Variants in C14orf39 observed in about 807,000 individuals in gnomAD.
The protein encoded by C14orf39 is chromosome 14 open reading frame 39.
Under a neutral mutation model 85.6 loss-of-function variants are expected in C14orf39, and 66 were observed. That is an observed-to-expected ratio of 0.77 (90% CI 0.63 to 0.95). The LOEUF is 0.95. C14orf39 is among the 40% of genes least tolerant of loss of function. The probability of loss-of-function intolerance (pLI) is 0.00; values close to 1 mark genes in which losing one functional copy is unlikely to be tolerated. For missense variants in C14orf39, 735 were observed against 663.9 expected, an observed-to-expected ratio of 1.11 and a Z score of -1.18; for synonymous variants, 242 against 214.0, an observed-to-expected ratio of 1.13 and a Z score of -1.14.
chr14:60,500,304 G>C (rs1224820120), intron 1 of C14orf39, among the ~76,000 whole-genome samples: 2 of 152,224 alleles, frequency 1.3e-5, no homozygotes, highest in African/African-American at 4.8e-5. Flanking sequence ...TGGGATTACA[G>C]GTGTCAGCCA....
chr14:60,470,625 T>C (rs1404627321), intron 7 of C14orf39, among the ~76,000 whole-genome samples: 1 of 151,762 alleles, frequency 6.6e-6, no homozygotes, highest in African/African-American at 2.4e-5. Flanking sequence ...CCCTTCCCAC[T>C]GAGAAGTTAA....
intron 16 of C14orf39, among the ~76,000 whole-genome samples, chr14:60,448,179 C>T (rs1890866361): frequency 2.0e-5 from 3 of 152,014 alleles, no homozygotes; most frequent in Non-Finnish European, 4.4e-5. Context: ...CAACAAAAGC[C>T]AAAATAGACA....
chr14:60,456,638 T>G (rs573697184), intron 15 of C14orf39, among the ~76,000 whole-genome samples: 1 of 152,062 alleles, frequency 6.6e-6, no homozygotes, highest in African/African-American at 2.4e-5. Flanking sequence ...GTGGGATTTA[T>G]GCCATCTTCA....
intron 1 of C14orf39, among the ~76,000 whole-genome samples, chr14:60,485,517 C>T (rs1892842735): frequency 6.6e-6 from 1 of 152,226 alleles, no homozygotes; most frequent in African/African-American, 2.4e-5. Context: ...CCCCAACACC[C>T]GGGTAAACCT....
intron 16 of C14orf39, among the ~76,000 whole-genome samples, chr14:60,445,373 A>G (rs1180954553): frequency 6.6e-6 from 1 of 152,178 alleles, no homozygotes; most frequent in Non-Finnish European, 1.5e-5. Context: ...GGAGGAAGAT[A>G]TACCAAGCAA....
At chr14:60,468,740 CA>C (rs1365745083) in intron 8 of C14orf39, among the ~76,000 whole-genome samples, 2 of 151,398 alleles carry the variant, frequency 1.3e-5, no homozygotes, top group African/African-American at 4.8e-5. Flanking sequence ...ATTCCATTGG[CA>C]AATGTAGATT....
At chr14:60,474,322 G>A (rs1892258278) in intron 5 of C14orf39, among the ~76,000 whole-genome samples, 2 of 151,828 alleles carry the variant, frequency 1.3e-5, no homozygotes, top group South Asian at 2.1e-4. Context: ...GTGTTTTCTA[G>A]ATATACAATC....
intron 17 of C14orf39, among the ~76,000 whole-genome samples, chr14:60,440,232 C>A (rs1303796769): frequency 6.6e-6 from 1 of 152,142 alleles, no homozygotes; most frequent in Non-Finnish European, 1.5e-5. Flanking sequence ...TTCATATGTA[C>A]AATTTCCTAC....
chr14:60,475,420 A>G (rs780470067), intron 5 of C14orf39, among the ~76,000 whole-genome samples: 2 of 152,158 alleles, frequency 1.3e-5, no homozygotes, highest in Non-Finnish European at 2.9e-5. Context: ...AATCAAAATT[A>G]TGATGGTCTA....
intron 7 of C14orf39, among the ~76,000 whole-genome samples, chr14:60,469,989 A>C (rs1490956486): frequency 7.2e-6 from 1 of 139,462 alleles, no homozygotes; most frequent in Non-Finnish European, 1.5e-5. Context: ...TGGCATAACT[A>C]ATAAAACATA....
chr14:60,461,107 C>A (rs1393308868), intron 13 of C14orf39, among the ~76,000 whole-genome samples: 9 of 151,702 alleles, frequency 5.9e-5, no homozygotes. Flanking sequence ...ATGGTATGCA[C>A]CAGTATTTAT....
At chr14:60,485,863 C>A (rs1892867025) in intron 1 of C14orf39, 82 bp downstream of exon 1, 1 of 152,524 alleles carries the variant, frequency 6.6e-6, no homozygotes, top group African/African-American at 2.4e-5. Flanking sequence ...CCAGCCAGCC[C>A]CCTCCCACCC....
intron 13 of C14orf39, 47 bp from the exon 14 acceptor site, chr14:60,458,786 G>T (rs1891392450): frequency 6.9e-7 from 1 of 1,456,982 alleles, no homozygotes; most frequent in Non-Finnish European, 9.4e-7. Context: ...TAATTTTATT[G>T]TAAAATAAAA....
chr14:60,496,228 A>T (rs1051264663), intron 2 of C14orf39: 4 of 415,906 alleles, frequency 9.6e-6, no homozygotes, highest in East Asian at 6.6e-5. Context: ...CTGCTGGGTG[A>T]GCTGGATCTG....
At chr14:60,512,698 C>T (rs1282098268) in intron 1 of C14orf39, 1 of 152,226 alleles carries the variant, frequency 6.6e-6, no homozygotes, top group Non-Finnish European at 1.5e-5. Context: ...CGTGCACATG[C>T]ATGTATGCAC....
At chr14:60,473,738 C>G (rs1158106060) in intron 5 of C14orf39, among the ~76,000 whole-genome samples, 1 of 152,062 alleles carries the variant, frequency 6.6e-6, no homozygotes, top group Non-Finnish European at 1.5e-5. Context: ...TTTCTCAGGG[C>G]TCTGTTCTGT....
In C14orf39 at chr14:60,485,063, A is replaced by G; in HGVS notation, c.16T>C (p.Phe6Leu). 2 of 1,609,128 alleles carry G rather than the reference A, an allele frequency of 1.2e-6. No homozygotes were observed. The highest frequency in any genetic ancestry group is 1.7e-6 in the Non-Finnish European group (2 of 1,179,072). The stretch of plus-strand genomic sequence containing the variant: ...AGCAAAAGTCTGTCCAAACTGACAA[A>G]CAGGCTGTCATTCATCTTGGATACT... MNDSL[F>L]VSLDRLLLEF... is the part of the protein sequence containing the mutation. Residue 6 changes from phenylalanine (F) to leucine (L), a missense_variant, in exon 2 of 18, where the codon TTT becomes CTT. Coordinates refer to ENST00000321731, the MANE Select transcript of C14orf39 (RefSeq NM_174978.3).
chr14:60,473,912 TA>T (rs1225802458), intron 5 of C14orf39, among the ~76,000 whole-genome samples: 1 of 152,156 alleles, frequency 6.6e-6, no homozygotes, highest in Non-Finnish European at 1.5e-5. Flanking sequence ...ATATGAACTT[TA>T]AAAGTAGTTT....
At chr14:60,485,250 G>A (rs1323846984) in intron 1 of C14orf39, among the ~76,000 whole-genome samples, 164 bp from the exon 2 acceptor site, 4 of 152,224 alleles carry the variant, frequency 2.6e-5, no homozygotes, top group Non-Finnish European at 5.9e-5. Context: ...GACATTCCCA[G>A]CCCCTTCCCG....
Sources: allele counts gnomAD v4.1 joint callset (sites outside exome capture counted in the v4.1 genomes callset), GRCh38; gene constraint gnomAD v4.1.1; transcripts MANE v1.5; gene names NCBI Gene and HGNC (gene_info 2026-07-23, HGNC 2026-07-21).